GMDS: variants seen among roughly 807,000 people sequenced by gnomAD.
GMDS encodes GDP-mannose 4,6 dehydratase.
Under a neutral mutation model 49.9 loss-of-function variants are expected in GMDS, and 20 were observed. That is an observed-to-expected ratio of 0.40 (90% CI 0.28 to 0.58). The LOEUF (loss-of-function observed/expected upper bound fraction) is 0.58, where lower values mean the gene tolerates loss of function less well. Ranked by LOEUF, GMDS falls within the 20% of genes least tolerant of loss-of-function variation. GMDS has a pLI of 0.42. For missense variants in GMDS, 362 were observed against 481.4 expected, an observed-to-expected ratio of 0.75 and a Z score of 2.32; for synonymous variants, 177 against 178.6, an observed-to-expected ratio of 0.99 and a Z score of 0.07.
At chr6:1,915,335 A>G (rs1226960741) in intron 7 of GMDS, among the ~76,000 whole-genome samples, 1 of 152,162 alleles carries the variant, frequency 6.6e-6, no homozygotes, top group Non-Finnish European at 1.5e-5. Flanking sequence ...GGAAATGGCC[A>G]ATTCTTCAGT....
chr6:1,776,738 C>A (rs922701889), intron 7 of GMDS, among the ~76,000 whole-genome samples: 1 of 152,134 alleles, frequency 6.6e-6, no homozygotes, highest in Non-Finnish European at 1.5e-5. Context: ...CTGTTAGGCT[C>A]TGTTTCAGAT....
intron 4 of GMDS, among the ~76,000 whole-genome samples, chr6:1,989,492 C>T (rs1765788688): frequency 6.6e-6 from 1 of 152,208 alleles, no homozygotes; most frequent in Non-Finnish European, 1.5e-5. Context: ...TTCATATTTT[C>T]ACCCAGCGTG....
intron 7 of GMDS, among the ~76,000 whole-genome samples, chr6:1,909,273 C>T (rs770801328): frequency 2.0e-4 from 31 of 152,048 alleles, no homozygotes; most frequent in Middle Eastern, 3.2e-3. Context: ...AGTCTGAAGC[C>T]GAGGCACTTG....
intron 7 of GMDS, among the ~76,000 whole-genome samples, chr6:1,816,342 A>G (rs1770671766): frequency 6.6e-6 from 1 of 152,200 alleles, no homozygotes; most frequent in Non-Finnish European, 1.5e-5. Context: ...AAGGAAATGG[A>G]TTCAGAGAGC....
chr6:1,676,973 A>G (rs1198910540), intron 9 of GMDS, among the ~76,000 whole-genome samples: 2 of 152,230 alleles, frequency 1.3e-5, no homozygotes, highest in Non-Finnish European at 2.9e-5. Context: ...AGCAAAAGAA[A>G]CTAACAGAGT....
At chr6:2,152,641 G>A (rs1039015377) in intron 1 of GMDS, among the ~76,000 whole-genome samples, 3 of 152,034 alleles carry the variant, frequency 2.0e-5, no homozygotes, top group Non-Finnish European at 4.4e-5. Flanking sequence ...CTTGCTCCTG[G>A]ATTAGAAGAT....
chr6:1,917,622 T>C (rs1406300378), intron 7 of GMDS, among the ~76,000 whole-genome samples: 1 of 152,214 alleles, frequency 6.6e-6, no homozygotes, highest in Non-Finnish European at 1.5e-5. Context: ...AAGGACACAC[T>C]GTAAGAAAAA....
intron 7 of GMDS, among the ~76,000 whole-genome samples, chr6:1,764,653 G>T (rs543319104): frequency 6.6e-6 from 1 of 152,142 alleles, no homozygotes; most frequent in Non-Finnish European, 1.5e-5. Context: ...CGTAACGATC[G>T]TCAAGATATG....
chr6:1,708,955 G>A (rs1022282969), intron 9 of GMDS, among the ~76,000 whole-genome samples: 3 of 152,218 alleles, frequency 2.0e-5, no homozygotes, highest in Non-Finnish European at 4.4e-5. Flanking sequence ...CCTACTTCCA[G>A]AAAATCCCTC....
rs568228194 is a variant in GMDS at position 2,118,946 on chromosome 6, C to T, written c.148-1390G>A. On this transcript the variant is annotated intron_variant, in intron 2 of 10. Transcript: ENST00000380815. ...GTTGCTACTTAATTGTAAAGTTGAA[C>T]TGCTCTATAAACTTAATTTTAACAA... Among the ~76,000 whole-genome samples the T allele has an allele frequency of 2.6e-5, 4 of 152,230 alleles. No individual in the cohort carries two copies. In the South Asian group the frequency reaches 8.3e-4, roughly 32 times the overall value.
chr6:2,024,237 A>AT (rs1325758014), intron 4 of GMDS, among the ~76,000 whole-genome samples: 2 of 152,220 alleles, frequency 1.3e-5, no homozygotes, highest in East Asian at 3.9e-4. Flanking sequence ...CAAAATAGAG[A>AT]TTTTTTTCAG....
intron 2 of GMDS, among the ~76,000 whole-genome samples, chr6:2,122,552 A>G (rs945322097): frequency 2.0e-5 from 3 of 152,218 alleles, no homozygotes; most frequent in African/African-American, 7.2e-5. Context: ...AAATTTTCCA[A>G]TGCAGCCAAT....
intron 7 of GMDS, among the ~76,000 whole-genome samples, chr6:1,792,641 T>G (rs1769589448): frequency 6.6e-6 from 1 of 152,186 alleles, no homozygotes; most frequent in South Asian, 2.1e-4. Context: ...GGAGGATAAT[T>G]ACATTAAAAA....
intron 9 of GMDS, among the ~76,000 whole-genome samples, chr6:1,627,806 G>T (rs1295398010): frequency 6.6e-6 from 1 of 152,204 alleles, no homozygotes; most frequent in East Asian, 1.9e-4. Context: ...AAAGCTTTGA[G>T]AAAAATTTAA....
At chr6:2,057,889 T>C (rs1329146336) in intron 4 of GMDS, among the ~76,000 whole-genome samples, 1 of 152,174 alleles carries the variant, frequency 6.6e-6, no homozygotes, top group Non-Finnish European at 1.5e-5. Flanking sequence ...AAATTTTTCA[T>C]TTCATTTGGC....
intron 1 of GMDS, among the ~76,000 whole-genome samples, chr6:2,201,950 A>T (rs1342855161): frequency 4.9e-4 from 53 of 108,772 alleles, no homozygotes; most frequent in South Asian, 1.4e-3. Flanking sequence ...ATCCGAGATG[A>T]AACCATCTAG....
chr6:2,199,265 A>C (rs1779402947), intron 1 of GMDS, among the ~76,000 whole-genome samples: 1 of 152,208 alleles, frequency 6.6e-6, no homozygotes, highest in Non-Finnish European at 1.5e-5. Context: ...ATTTAGTTTT[A>C]TGGATGGCAA....
intron 9 of GMDS, among the ~76,000 whole-genome samples, chr6:1,657,558 A>T (rs1287729803): frequency 6.6e-6 from 1 of 152,174 alleles, no homozygotes; most frequent in East Asian, 1.9e-4. Flanking sequence ...GGACACTGAT[A>T]CCCTCCATTG....
chr6:2,206,591 A>T (rs146827265), intron 1 of GMDS, among the ~76,000 whole-genome samples: 88 of 152,334 alleles, frequency 5.8e-4, no homozygotes, highest in Non-Finnish European at 1.0e-3. Flanking sequence ...GACCAACCTC[A>T]TATTCATATA....
Sources: gnomAD v4.1 joint callset for allele counts (sites outside exome capture counted in the v4.1 genomes callset) on GRCh38, gnomAD v4.1.1 for gene constraint, MANE v1.5 for transcripts, NCBI Gene and HGNC (gene_info 2026-07-23, HGNC 2026-07-21) for gene names.